The following GNAI1 variants were observed in gnomAD, a reference collection of about 807,000 sequenced individuals.
GNAI1 encodes G protein subunit alpha i1, also known as guanine nucleotide-binding protein G(i) subunit alpha-1.
Under a neutral mutation model 38.9 loss-of-function variants are expected in GNAI1, and 11 were observed. The ratio of observed to expected loss-of-function variants is 0.28; its 90% CI spans 0.18 to 0.47. GNAI1 has a LOEUF of 0.47. Ranked by LOEUF, GNAI1 falls within the 20% of genes least tolerant of loss-of-function variation. GNAI1 has a pLI of 0.99. For synonymous variants in GNAI1, 166 were observed against 145.1 expected, an observed-to-expected ratio of 1.14 and a Z score of -1.04; for missense variants, 317 against 436.9, an observed-to-expected ratio of 0.73 and a Z score of 2.45.
intron 1 of GNAI1, among the ~76,000 whole-genome samples, chr7:80,162,744 A>C (rs1165979061): frequency 1.3e-5 from 2 of 152,174 alleles, no homozygotes; most frequent in African/African-American, 2.4e-5. Flanking sequence ...ATAAGTAATA[A>C]AATGGTCCTT....
chr7:80,212,751 C>A lies in GNAI1; in HGVS notation c.756C>A (p.Ser252Arg). The A allele has an allele frequency of 6.4e-7, 1 of 1,557,304 alleles. No individual in the cohort carries two copies. Among genetic ancestry groups the A allele is most frequent in the South Asian group, 1.3e-5 (1 of 78,800 alleles). ...ATGAAAGCATGAAATTGTTTGACAG[C>A]ATATGTAACAACAAGTGGTTTACAG... is the stretch of plus-strand genomic sequence containing the variant. ...RMHESMKLFD[S>R]ICNNKWFTDT... The change falls in exon 7 of 8, where the codon AGC becomes AGA. Residue 252 changes from serine to arginine, a missense_variant. Coordinates refer to ENST00000649796, the MANE Select transcript of GNAI1 (RefSeq NM_002069.6).
chr7:80,160,849 C>T (rs1417367468), intron 1 of GNAI1, among the ~76,000 whole-genome samples: 2 of 151,672 alleles, frequency 1.3e-5, no homozygotes, highest in African/African-American at 2.4e-5. Flanking sequence ...TTATTTGGTG[C>T]TAGTTCTAAT....
At chr7:80,136,352 A>G (rs1203994496) in intron 1 of GNAI1, among the ~76,000 whole-genome samples, 3 of 152,212 alleles carry the variant, frequency 2.0e-5, no homozygotes, top group Non-Finnish European at 2.9e-5. Context: ...TACCAGTTAT[A>G]ATAAAAAAGA....
Position 80,222,175 on chromosome 7 carries a change from GCA to G in GNAI1, c.*4685_*4686del. ...CCAGAGGCCAGAGACACCCAAATAT[GCA>G]CAGACAGGAATCAGCTGCAATTGTC... On this transcript the variant is annotated 3_prime_UTR_variant, in exon 8 of 8. Transcript: ENST00000649796. Among the ~76,000 whole-genome samples the G allele has an allele frequency of 6.6e-6, 1 of 151,958 alleles. No homozygotes were observed. Among genetic ancestry groups the G allele is most frequent in the Non-Finnish European group, 1.5e-5 (1 of 67,992 alleles).
chr7:80,188,677 G>A (rs1174571742), intron 1 of GNAI1, among the ~76,000 whole-genome samples: 5 of 152,112 alleles, frequency 3.3e-5, no homozygotes, highest in Admixed American at 6.5e-5. Context: ...TAGAACAGCT[G>A]TCATCTACTC....
intron 1 of GNAI1, among the ~76,000 whole-genome samples, chr7:80,164,077 T>C (rs1302720180): frequency 5.9e-5 from 8 of 136,304 alleles, no homozygotes; most frequent in Non-Finnish European, 1.2e-4. Context: ...ACTGAGTCTC[T>C]CTCTGTCACC....
chr7:80,204,734 T>G (rs981111829), intron 5 of GNAI1, among the ~76,000 whole-genome samples: 12 of 152,118 alleles, frequency 7.9e-5, no homozygotes, highest in African/African-American at 2.7e-4. Flanking sequence ...AAATTACCCT[T>G]AAGTCTGTAC....
At chr7:80,192,514 G>T in intron 3 of GNAI1, among the ~76,000 whole-genome samples, 1 of 152,026 alleles carries the variant, frequency 6.6e-6, no homozygotes, top group East Asian at 1.9e-4. Context: ...CCCCACATCT[G>T]TCACTTACTA....
Position 80,223,691 on chromosome 7 carries a change from A to T in GNAI1, c.*6198A>T, listed in dbSNP as rs1051328075. 1.2e-4 allele frequency among the ~76,000 whole-genome samples: 19 copies of T among 152,176 alleles called. No homozygotes were observed. Among genetic ancestry groups the T allele is most frequent in the African/African-American group, 4.6e-4 (19 of 41,438 alleles). ...CTTTGCAGCATTCAATTTTAGTATA[A>T]CATGTTTTCCTGTTTACAAATATAA... On this transcript the variant is annotated 3_prime_UTR_variant, in exon 8 of 8. Transcript: ENST00000649796.
intron 1 of GNAI1, among the ~76,000 whole-genome samples, chr7:80,154,199 C>T (rs889149239): frequency 7.9e-5 from 12 of 152,224 alleles, no homozygotes; most frequent in Admixed American, 6.5e-4. Context: ...CTGGGATTTA[C>T]GGGCATGAGC....
At chr7:80,217,277 A>T (rs1391698120) in intron 7 of GNAI1, 26 bp from the exon 8 acceptor site, 1 of 1,439,958 alleles carries the variant, frequency 6.9e-7, no homozygotes, top group Non-Finnish European at 9.4e-7. Context: ...TTTTGCATTT[A>T]TGTTTCTTTC....
At chr7:80,207,093 A>T (rs1191941943) in intron 5 of GNAI1, among the ~76,000 whole-genome samples, 1 of 152,078 alleles carries the variant, frequency 6.6e-6, no homozygotes, top group Admixed American at 6.6e-5. Context: ...GTAGTTGGGT[A>T]AACTTGGTTA....
rs148159852 is a variant in GNAI1 at position 80,188,855 on chromosome 7, G to GGTGTGT, written c.119-79_119-74dup. 731 of 700,468 alleles carry GGTGTGT rather than the reference G, an allele frequency of 1.0e-3. 3 individuals are homozygous for GGTGTGT. In the African/African-American group the frequency reaches 0.012, roughly 11 times the overall value. The allele number at this position is 700,468 out of a possible 1,614,324, so 43.4% of individuals were successfully genotyped here. On this transcript the variant is annotated intron_variant, in intron 1 of 7. Coordinates refer to ENST00000649796, the MANE Select transcript of GNAI1 (RefSeq NM_002069.6). The stretch of plus-strand genomic sequence containing the variant: ...GAGGTAGACACACAGAGAGAGACTG[G>GGTGTGT]GTGTGTGTGTGTGTGTGTGTGTTTG...
intron 1 of GNAI1, among the ~76,000 whole-genome samples, chr7:80,139,132 G>T (rs1787477131): frequency 6.8e-6 from 1 of 146,800 alleles, no homozygotes; most frequent in South Asian, 2.1e-4. Context: ...TCTTTCTCAT[G>T]GCATACCTTG....
intron 1 of GNAI1, among the ~76,000 whole-genome samples, chr7:80,172,957 CA>C (rs1788122141): frequency 1.3e-5 from 2 of 152,166 alleles, no homozygotes; most frequent in Admixed American, 1.3e-4. Context: ...CCCCAATAAC[CA>C]GTGTCCTTCA....
At chr7:80,210,401 A>G (rs1303677268) in intron 5 of GNAI1, among the ~76,000 whole-genome samples, 1 of 151,914 alleles carries the variant, frequency 6.6e-6, no homozygotes, top group Non-Finnish European at 1.5e-5. Flanking sequence ...TTTACTTTTT[A>G]TGCAAACCTA....
At chr7:80,177,595 C>T (rs1417806375) in intron 1 of GNAI1, among the ~76,000 whole-genome samples, 1 of 152,142 alleles carries the variant, frequency 6.6e-6, no homozygotes, top group African/African-American at 2.4e-5. Flanking sequence ...GATTCTCCCT[C>T]CATAGCCTCC....
At chr7:80,145,625 A>T (rs566564062) in intron 1 of GNAI1, among the ~76,000 whole-genome samples, 2 of 152,014 alleles carry the variant, frequency 1.3e-5, no homozygotes, top group Admixed American at 6.5e-5. Context: ...CTGTTATTCT[A>T]CTTCTTTATT....
intron 1 of GNAI1, among the ~76,000 whole-genome samples, chr7:80,147,571 C>G (rs562636540): frequency 6.6e-6 from 1 of 152,210 alleles, no homozygotes; most frequent in South Asian, 2.1e-4. Flanking sequence ...GCTTCACTGA[C>G]TGAGACAGTT....
Sources: allele counts gnomAD v4.1 joint callset (sites outside exome capture counted in the v4.1 genomes callset), GRCh38; gene constraint gnomAD v4.1.1; transcripts MANE v1.5; gene names NCBI Gene and HGNC (gene_info 2026-07-23, HGNC 2026-07-21).